Variants in PIEZO2 observed in about 807,000 individuals in gnomAD.
The protein encoded by PIEZO2 is piezo type mechanosensitive ion channel component 2.
Under a neutral mutation model 337.3 loss-of-function variants are expected in PIEZO2, and 172 were observed. The ratio of observed to expected loss-of-function variants is 0.51; its 90% CI spans 0.45 to 0.58. The LOEUF is 0.58. PIEZO2 is among the 20% of genes least tolerant of loss of function. The probability of loss-of-function intolerance (pLI) is 0.00; values close to 1 mark genes in which losing one functional copy is unlikely to be tolerated. For missense variants in PIEZO2, 3,028 were observed against 3,391.3 expected (o/e 0.89, Z 2.66); for synonymous variants, 1,251 against 1,228.5 (o/e 1.02, Z -0.38).
At chr18:10,829,688 T>C (rs2040785247) in intron 7 of PIEZO2, among the ~76,000 whole-genome samples, 1 of 151,940 alleles carries the variant, frequency 6.6e-6, no homozygotes, top group Non-Finnish European at 1.5e-5. Flanking sequence ...AACAAGAAAG[T>C]GATCACATTT....
At position 10,696,144 on chromosome 18, in the gene PIEZO2, T is replaced by A. The variant is rs1210193369; in HGVS notation, c.7120A>T (p.Ile2374Phe). ...CCGAACACAAGAATGACCTGGAAGA[T>A]GACCTTTCCCAGTACAGTCTTCCTG... ...YLRKTVLGKV[I>F]FQVILVFGIH... Residue 2374 changes from isoleucine to phenylalanine, a missense_variant, in exon 47 of 56, where the codon ATC becomes TTC. Around this residue, in one of 5 missense-constraint regions of PIEZO2, gnomAD observed 179 missense variants for 281.8 expected, o/e 0.64. Transcript: ENST00000674853. 1 of 1,614,164 alleles carries A rather than the reference T, an allele frequency of 6.2e-7. No homozygotes were observed. The highest frequency in any genetic ancestry group is 1.1e-5 in the South Asian group (1 of 91,086).
chr18:10,681,331 C>T (rs764960349), intron 51 of PIEZO2, among the ~76,000 whole-genome samples: 1 of 152,112 alleles, frequency 6.6e-6, no homozygotes, highest in Non-Finnish European at 1.5e-5. Flanking sequence ...CTAGATAGAG[C>T]GTTCTCATAT....
At chr18:11,082,730 T>C (rs1042108242) in intron 1 of PIEZO2, among the ~76,000 whole-genome samples, 1 of 152,220 alleles carries the variant, frequency 6.6e-6, no homozygotes. Flanking sequence ...TGAGTGTGTG[T>C]TTCCTCTGCT....
intron 8 of PIEZO2, among the ~76,000 whole-genome samples, chr18:10,804,396 G>A (rs1446850402): frequency 2.6e-5 from 4 of 152,336 alleles, no homozygotes; most frequent in East Asian, 1.9e-4. Context: ...ATTGAAGGCA[G>A]AATCATCTAG....
intron 49 of PIEZO2, among the ~76,000 whole-genome samples, chr18:10,688,728 T>G (rs1471224476): frequency 6.6e-6 from 1 of 152,162 alleles, no homozygotes; most frequent in Non-Finnish European, 1.5e-5. Flanking sequence ...TTTTTTCTAC[T>G]TTAGACCAAA....
At chr18:10,733,275 G>A (rs1421692219) in intron 35 of PIEZO2, among the ~76,000 whole-genome samples, 3 of 151,914 alleles carry the variant, frequency 2.0e-5, no homozygotes, top group Non-Finnish European at 4.4e-5. Flanking sequence ...GGAGTCATAG[G>A]GTAATTCCTT....
chr18:10,951,692 C>A (rs1378730726), intron 3 of PIEZO2, among the ~76,000 whole-genome samples: 1 of 152,160 alleles, frequency 6.6e-6, no homozygotes, highest in Non-Finnish European at 1.5e-5. Context: ...TTGGGAACCA[C>A]TTCTTTTTAT....
intron 1 of PIEZO2, among the ~76,000 whole-genome samples, chr18:11,091,108 C>A (rs769540110): frequency 6.6e-6 from 1 of 151,864 alleles, no homozygotes; most frequent in Non-Finnish European, 1.5e-5. Context: ...TATTCAGGCC[C>A]GGCGCAGTGG....
At chr18:11,049,996 T>C (rs988479028) in intron 2 of PIEZO2, among the ~76,000 whole-genome samples, 3 of 152,198 alleles carry the variant, frequency 2.0e-5, no homozygotes, top group African/African-American at 7.2e-5. Flanking sequence ...TAATATGACC[T>C]AGTGTTTCCT....
chr18:11,045,540 G>T (rs1448307375), intron 2 of PIEZO2, among the ~76,000 whole-genome samples: 1 of 152,128 alleles, frequency 6.6e-6, no homozygotes, highest in Non-Finnish European at 1.5e-5. Flanking sequence ...AAAAAATGTG[G>T]CATCAAATAG....
rs756298192 is a variant in PIEZO2 at position 11,143,629 on chromosome 18, ACACACACACACT to A, written c.64+4884_64+4895del. 0.026 allele frequency among the ~76,000 whole-genome samples: 2,220 copies of A among 86,794 alleles called. 20 individuals are homozygous for A. Among genetic ancestry groups the A allele is most frequent in the African/African-American group, 0.069 (1,044 of 15,144 alleles). The allele number at this position is 86,794 out of a possible 152,430, so 56.9% of individuals were successfully genotyped here. ...CACACACACACACACACACACACAC[ACACACACACACT>A]CTCTCTCTCTCTCTCTCTCTCTCTC... On this transcript the variant is annotated intron_variant, in intron 1 of 55. Transcript: ENST00000674853. This position sits in a 1 kb window ranked among gnomAD's most constrained non-coding sequence, Gnocchi z 4.9.
At position 11,053,866 on chromosome 18, in the gene PIEZO2, T is replaced by A. The variant is rs186490342; in HGVS notation, c.160+12261A>T. Among the ~76,000 whole-genome samples, 139 of 150,720 alleles carry A rather than the reference T, an allele frequency of 9.2e-4. 1 individual carries two copies. Among genetic ancestry groups the A allele is most frequent in the African/African-American group, 3.1e-3 (126 of 41,016 alleles). ...CCCCGTCTCTACTAAAAAAAAAAAA[T>A]TGTAAAAATTAGCCAGGGGTGGTGG... On this transcript the variant is annotated intron_variant, in intron 2 of 55. Coordinates refer to ENST00000674853, the MANE Select transcript of PIEZO2 (RefSeq NM_001378183.1).
chr18:11,027,908 T>C lies in PIEZO2; in HGVS notation c.160+38219A>G, dbSNP rs1414190556. Among the ~76,000 whole-genome samples, 1 of 152,250 alleles carries C rather than the reference T, an allele frequency of 6.6e-6. No homozygotes were observed. Among genetic ancestry groups the C allele is most frequent in the Non-Finnish European group, 1.5e-5 (1 of 68,048 alleles). ...TAAGCTTAAAGAAACAATTGTTAAA[T>C]ATACTAGAAGAGCCTTCGTAGAGTA... On this transcript the variant is annotated intron_variant, in intron 2 of 55. Transcript: ENST00000674853. This position sits in a 1 kb window ranked among gnomAD's most constrained non-coding sequence, Gnocchi z 4.2.
rs146544489 is a variant in PIEZO2, at chr18:10,770,507, G to A, written c.2786-199C>T. The stretch of plus-strand genomic sequence containing the variant: ...ACACAGATATCATACTCTCAGACTT[G>A]GAGGGACAATGTGGCTTTTGTCCAC... On this transcript the variant is annotated intron_variant, in intron 20 of 55. Transcript: ENST00000674853. Among the ~76,000 whole-genome samples the A allele has an allele frequency of 2.9e-4, 44 of 152,268 alleles. 1 individual carries two copies. The East Asian group carries it at 7.0e-3, about 24-fold the overall frequency.
At chr18:11,087,098 C>T (rs751253243) in intron 1 of PIEZO2, among the ~76,000 whole-genome samples, 1 of 152,110 alleles carries the variant, frequency 6.6e-6, no homozygotes, top group Admixed American at 6.5e-5. Flanking sequence ...AAAAGAGACT[C>T]CAGGGGACTC....
intron 3 of PIEZO2, among the ~76,000 whole-genome samples, chr18:10,927,342 A>G (rs2031805456): frequency 6.6e-6 from 1 of 152,212 alleles, no homozygotes; most frequent in African/African-American, 2.4e-5. Flanking sequence ...GAAATGGGTT[A>G]GATGGGATAC....
intron 3 of PIEZO2, among the ~76,000 whole-genome samples, chr18:10,957,134 C>G (rs753607617): frequency 1.5e-4 from 23 of 152,124 alleles, no homozygotes; most frequent in Non-Finnish European, 3.1e-4. Flanking sequence ...TGCAGTGGCT[C>G]ACGCCTGTAA....
At chr18:10,683,909 G>A (rs2034390356) in intron 49 of PIEZO2, among the ~76,000 whole-genome samples, 1 of 152,064 alleles carries the variant, frequency 6.6e-6, no homozygotes, top group Non-Finnish European at 1.5e-5. Context: ...AAAATTCCCA[G>A]AGGCTTCTCC....
intron 3 of PIEZO2, among the ~76,000 whole-genome samples, chr18:10,918,097 T>G (rs531050052): frequency 1.1e-4 from 16 of 152,292 alleles, no homozygotes; most frequent in South Asian, 2.1e-4. Flanking sequence ...ACCCCAGAAA[T>G]GGCTGCTCTA....
Sources: gnomAD v4.1 joint callset for allele counts (sites outside exome capture counted in the v4.1 genomes callset) on GRCh38, gnomAD v4.1.1 for gene constraint, gnomAD v4.1.1 regional missense constraint, Gnocchi (gnomAD v3.1) non-coding constraint, MANE v1.5 for transcripts, NCBI Gene and HGNC (gene_info 2026-07-23, HGNC 2026-07-21) for gene names.